Variants in SEMA3E observed in about 807,000 individuals in gnomAD.
SEMA3E encodes semaphorin-3E.
SEMA3E carries 49 observed loss-of-function variants against 93.6 expected under a neutral mutation model. That is an observed-to-expected ratio of 0.52 (90% CI 0.42 to 0.66). The LOEUF (loss-of-function observed/expected upper bound fraction) is 0.66. SEMA3E is among the 30% of genes least tolerant of loss of function. The pLI is 0.00. For missense variants in SEMA3E, 906 were observed against 964.8 expected, an observed-to-expected ratio of 0.94 and a Z score of 0.81; for synonymous variants, 363 against 330.7, an observed-to-expected ratio of 1.10 and a Z score of -1.06.
intron 1 of SEMA3E, among the ~76,000 whole-genome samples, chr7:83,590,997 G>C (rs74297456): frequency 0.036 from 5,381 of 150,588 alleles, 150 homozygotes; most frequent in East Asian, 0.14. Flanking sequence ...ATTTCCATTA[G>C]TAAAATGAAA....
chr7:83,436,920 G>C (rs1489560317), intron 4 of SEMA3E, among the ~76,000 whole-genome samples: 4 of 152,186 alleles, frequency 2.6e-5, no homozygotes, highest in African/African-American at 9.7e-5. Context: ...CATGGCTGAG[G>C]AAGCCTCACA....
At chr7:83,597,413 A>G (rs1369767234) in intron 1 of SEMA3E, among the ~76,000 whole-genome samples, 2 of 152,124 alleles carry the variant, frequency 1.3e-5, no homozygotes, top group Non-Finnish European at 2.9e-5. Context: ...TCATTCTGTA[A>G]TCTTCTGTAT....
At chr7:83,464,080 A>C (rs898314359) in intron 4 of SEMA3E, among the ~76,000 whole-genome samples, 5 of 152,070 alleles carry the variant, frequency 3.3e-5, no homozygotes, top group African/African-American at 7.2e-5. Flanking sequence ...ATGAGCCTTT[A>C]TTAGTCAAAT....
chr7:83,596,026 T>G (rs2115964290), intron 1 of SEMA3E, among the ~76,000 whole-genome samples: 1 of 152,274 alleles, frequency 6.6e-6, no homozygotes, highest in African/African-American at 2.4e-5. Context: ...TTTTCCTCAT[T>G]TCTTCTACAT....
rs869131366 is a variant in SEMA3E, at chr7:83,506,032, AATAT to A, written c.116-15762_116-15759del. Among the ~76,000 whole-genome samples, 150 of 119,700 alleles carry A rather than the reference AATAT, an allele frequency of 1.3e-3. 5 individuals carry two copies. The highest frequency in any genetic ancestry group is 8.9e-3 in the Middle Eastern group (2 of 224). The allele number at this position is 119,700 out of a possible 152,430, so 78.5% of individuals were successfully genotyped here. ...TCCGTCTCCAAAAAAAAAAAAAAAA[AATAT>A]ATATATATATATATATATTTGCTCA... On this transcript the variant is annotated intron_variant, in intron 1 of 16. Transcript: ENST00000643230.
At chr7:83,492,465 A>G (rs1282453628) in intron 1 of SEMA3E, among the ~76,000 whole-genome samples, 22 of 152,032 alleles carry the variant, frequency 1.4e-4, no homozygotes, top group Admixed American at 6.6e-5. Context: ...TAAAGATAGT[A>G]GTTCTTATTT....
intron 3 of SEMA3E, among the ~76,000 whole-genome samples, chr7:83,467,717 G>A (rs544911933): frequency 6.6e-6 from 1 of 152,214 alleles, no homozygotes; most frequent in East Asian, 1.9e-4. Flanking sequence ...AGCCACCTTC[G>A]GCCTAGAAGC....
At chr7:83,527,245 T>C (rs1442577254) in intron 1 of SEMA3E, among the ~76,000 whole-genome samples, 1 of 152,152 alleles carries the variant, frequency 6.6e-6, no homozygotes, top group Non-Finnish European at 1.5e-5. Flanking sequence ...TATGGACATA[T>C]TAATTTTGGA....
chr7:83,410,420 T>C (rs1788416684), intron 5 of SEMA3E, among the ~76,000 whole-genome samples: 1 of 152,006 alleles, frequency 6.6e-6, no homozygotes, highest in African/African-American at 2.4e-5. Flanking sequence ...GTAAGGAAAA[T>C]AACAAAAACT....
chr7:83,469,248 C>A lies in SEMA3E; in HGVS notation c.331G>T (p.Asp111Tyr). ...KMEECIMKGK[D>Y]AGECANYVRV... Reference sequence around the variant, plus strand: ...TTACAATGAATCATACTTACCGCATCTTTTCCCTTCATTATGCATTCTTCC... The same window carrying A: ...TTACAATGAATCATACTTACCGCATATTTTCCCTTCATTATGCATTCTTCC... The change falls in exon 3 of 17, where the codon GAT (aspartate) becomes TAT (tyrosine). Residue 111 changes from aspartate to tyrosine, a missense_variant. Coordinates refer to ENST00000643230, the MANE Select transcript of SEMA3E (RefSeq NM_012431.3). The A allele has an allele frequency of 6.2e-7, 1 of 1,608,944 alleles. No homozygotes were observed. The highest frequency in any genetic ancestry group is 8.5e-7 in the Non-Finnish European group (1 of 1,175,870).
chr7:83,529,382 T>C (rs1292706406), intron 1 of SEMA3E, among the ~76,000 whole-genome samples: 1 of 152,134 alleles, frequency 6.6e-6, no homozygotes, highest in Non-Finnish European at 1.5e-5. Flanking sequence ...TTAATAGCTG[T>C]TTCTGTATAC....
chr7:83,388,532 G>C (rs896438226), intron 14 of SEMA3E, among the ~76,000 whole-genome samples: 3 of 151,776 alleles, frequency 2.0e-5, no homozygotes, highest in African/African-American at 7.3e-5. Context: ...AATACCACTT[G>C]CTTCTCTAAT....
In SEMA3E at chr7:83,606,762, TAA is replaced by T. The variant is rs200784473; in HGVS notation, c.115+41664_115+41665del. ...ATGTACCCTAAAACTTAAAGTATAA[TAA>T]AAAAAAAAAAATTAAAAAAAAAAAT... On this transcript the variant is annotated intron_variant, in intron 1 of 16. Coordinates refer to ENST00000643230, the MANE Select transcript of SEMA3E (RefSeq NM_012431.3). 5.7e-3 allele frequency among the ~76,000 whole-genome samples: 660 copies of T among 115,652 alleles called. 6 individuals carry two copies. Among genetic ancestry groups the T allele is most frequent in the African/African-American group, 0.016 (547 of 35,226 alleles). 75.9% of individuals were successfully genotyped at this position (115,652 alleles called of 152,430 possible).
chr7:83,594,916 A>G (rs1013597463), intron 1 of SEMA3E, among the ~76,000 whole-genome samples: 1 of 150,562 alleles, frequency 6.6e-6, no homozygotes, highest in Non-Finnish European at 1.5e-5. Context: ...TATTCCAGTT[A>G]TGTTTGGGGA....
At chr7:83,645,043 T>C (rs1794061989) in intron 1 of SEMA3E, among the ~76,000 whole-genome samples, 1 of 152,010 alleles carries the variant, frequency 6.6e-6, no homozygotes, top group Non-Finnish European at 1.5e-5. Flanking sequence ...TCGGTATTTC[T>C]TGCTCAACAT....
chr7:83,437,971 A>G (rs1416633502), intron 4 of SEMA3E, among the ~76,000 whole-genome samples: 5 of 152,212 alleles, frequency 3.3e-5, no homozygotes, highest in Non-Finnish European at 7.4e-5. Flanking sequence ...GCATAAGAAT[A>G]TAAAAAATTC....
chr7:83,468,989 A>C (rs1789834655), intron 3 of SEMA3E, among the ~76,000 whole-genome samples: 1 of 152,226 alleles, frequency 6.6e-6, no homozygotes, highest in Non-Finnish European at 1.5e-5. Context: ...AGTATAAGGA[A>C]TGTATAAACC....
At chr7:83,393,944 T>C (rs1788067615) in intron 13 of SEMA3E, among the ~76,000 whole-genome samples, 2 of 152,146 alleles carry the variant, frequency 1.3e-5, no homozygotes, top group Admixed American at 1.3e-4. Flanking sequence ...CATCTTCCTT[T>C]CTATAGAGAT....
At chr7:83,500,705 G>A (rs981261074) in intron 1 of SEMA3E, among the ~76,000 whole-genome samples, 5 of 143,342 alleles carry the variant, frequency 3.5e-5, no homozygotes, top group Non-Finnish European at 7.5e-5. Context: ...CGATTCTCCT[G>A]CCTCAGCCTC....
Sources: gnomAD v4.1 joint callset for allele counts (sites outside exome capture counted in the v4.1 genomes callset) on GRCh38, gnomAD v4.1.1 for gene constraint, MANE v1.5 for transcripts, NCBI Gene and HGNC (gene_info 2026-07-23, HGNC 2026-07-21) for gene names.